MBNL2: variants seen among roughly 807,000 people sequenced by gnomAD.
The protein encoded by MBNL2 is muscleblind-like protein 2.
MBNL2 carries 17 observed loss-of-function variants against 41.9 expected under a neutral mutation model. The ratio of observed to expected loss-of-function variants is 0.41; its 90% CI spans 0.28 to 0.61. MBNL2 has a LOEUF of 0.61. Among genes scored for constraint, MBNL2 ranks in the 20% least tolerant of loss-of-function variants. The probability of loss-of-function intolerance (pLI) is 0.35; values close to 1 mark genes in which losing one functional copy is unlikely to be tolerated. For missense variants in MBNL2, 336 were observed against 505.6 expected, an observed-to-expected ratio of 0.66 and a Z score of 3.22; for synonymous variants, 195 against 182.9, an observed-to-expected ratio of 1.07 and a Z score of -0.53.
intron 2 of MBNL2, among the ~76,000 whole-genome samples, chr13:97,306,320 C>A (rs1324679589): frequency 6.6e-6 from 1 of 152,230 alleles, no homozygotes; most frequent in African/African-American, 2.4e-5. Context: ...TGTTTAATTG[C>A]CACATTCATT....
At chr13:97,318,398 A>G (rs2059230507) in intron 2 of MBNL2, among the ~76,000 whole-genome samples, 1 of 152,156 alleles carries the variant, frequency 6.6e-6, no homozygotes, top group Non-Finnish European at 1.5e-5. Flanking sequence ...TCATCTCCTC[A>G]GGCCTCAGTT....
At chr13:97,319,190 C>T (rs974941896) in intron 2 of MBNL2, among the ~76,000 whole-genome samples, 5 of 151,998 alleles carry the variant, frequency 3.3e-5, no homozygotes, top group African/African-American at 9.7e-5. Flanking sequence ...GAGAAGCCTG[C>T]GGGACCCTGT....
chr13:97,361,643 T>C (rs776078915), intron 7 of MBNL2, among the ~76,000 whole-genome samples: 1 of 152,026 alleles, frequency 6.6e-6, no homozygotes, highest in Non-Finnish European at 1.5e-5. Context: ...CTACAGGAGC[T>C]GTGGATTATT....
intron 3 of MBNL2, among the ~76,000 whole-genome samples, chr13:97,339,029 T>TAC (rs2061144780): frequency 9.5e-6 from 1 of 105,228 alleles, no homozygotes; most frequent in Admixed American, 9.4e-5. Flanking sequence ...AGTATGAATG[T>TAC]GTAGTTAGTG....
intron 5 of MBNL2, among the ~76,000 whole-genome samples, chr13:97,349,447 T>C (rs376222212): frequency 1.3e-5 from 2 of 152,202 alleles, no homozygotes; most frequent in Non-Finnish European, 2.9e-5. Flanking sequence ...GTAATCATTA[T>C]TTTAGGCCAG....
chr13:97,203,321 G>A, the MBNL2 span, among the ~76,000 whole-genome samples: 2 of 151,964 alleles, frequency 1.3e-5, no homozygotes, highest in Non-Finnish European at 2.9e-5. Context: ...ATACAAATTG[G>A]CAAATACAAA....
chr13:97,199,073 T>G, the MBNL2 span, among the ~76,000 whole-genome samples: 2 of 152,144 alleles, frequency 1.3e-5, no homozygotes, highest in Non-Finnish European at 2.9e-5. Flanking sequence ...CTTATCCATA[T>G]CCACCTTTCT....
At chr13:97,228,099 A>G (rs903406339) in intron 1 of MBNL2, among the ~76,000 whole-genome samples, 2 of 152,210 alleles carry the variant, frequency 1.3e-5, no homozygotes, top group Admixed American at 6.5e-5. Flanking sequence ...TTTCAAGGGC[A>G]TGTGTTAGAA....
the MBNL2 span, among the ~76,000 whole-genome samples, chr13:97,166,833 T>TAGATAGATAGATAGAA: frequency 3.6e-5 from 4 of 110,670 alleles, no homozygotes; most frequent in African/African-American, 1.4e-4. Flanking sequence ...GATAGATAGA[T>TAGATAGATAGATAGAA]AGATAGAAAG....
At chr13:97,230,404 T>C (rs2152779577) in intron 1 of MBNL2, among the ~76,000 whole-genome samples, 1 of 152,294 alleles carries the variant, frequency 6.6e-6, no homozygotes, top group South Asian at 2.1e-4. Context: ...TTTTAGCTAA[T>C]GATGAAACAT....
the MBNL2 span, among the ~76,000 whole-genome samples, chr13:97,200,570 A>G: frequency 2.0e-5 from 3 of 152,208 alleles, no homozygotes; most frequent in South Asian, 6.2e-4. Context: ...CAACAAAAAA[A>G]TCCTCTTGGA....
intron 8 of MBNL2, among the ~76,000 whole-genome samples, chr13:97,368,054 C>A (rs1298179457): frequency 6.6e-6 from 1 of 152,130 alleles, no homozygotes; most frequent in Non-Finnish European, 1.5e-5. Flanking sequence ...TGAAGTCCTG[C>A]CTCCTTGAAC....
chr13:97,145,045 G>A, the MBNL2 span, among the ~76,000 whole-genome samples: 10 of 152,270 alleles, frequency 6.6e-5, no homozygotes, highest in Admixed American at 1.3e-4. Context: ...AAAATATGTG[G>A]GAAGTGATGC....
intron 1 of MBNL2, among the ~76,000 whole-genome samples, chr13:97,252,801 A>G (rs974589753): frequency 3.3e-5 from 5 of 152,162 alleles, no homozygotes; most frequent in African/African-American, 7.2e-5. Context: ...CTGGCTATAT[A>G]ATCATATCAT....
chr13:97,174,840 C>T, the MBNL2 span, among the ~76,000 whole-genome samples: 1 of 151,706 alleles, frequency 6.6e-6, no homozygotes, highest in Non-Finnish European at 1.5e-5. Context: ...GAGTCACTAC[C>T]CTGGAAAAAA....
At chr13:97,376,014 G>A (rs2064934448) in intron 8 of MBNL2, among the ~76,000 whole-genome samples, 1 of 152,138 alleles carries the variant, frequency 6.6e-6, no homozygotes, top group African/African-American at 2.4e-5. Flanking sequence ...GATGAGAACA[G>A]GACAGGACAG....
At chr13:97,227,243 C>A (rs1471385429) in intron 1 of MBNL2, among the ~76,000 whole-genome samples, 2 of 152,036 alleles carry the variant, frequency 1.3e-5, no homozygotes, top group African/African-American at 2.4e-5. Flanking sequence ...TTATAGAACT[C>A]TTTTCAGGCA....
At chr13:97,313,249 C>T (rs2058758595) in intron 2 of MBNL2, among the ~76,000 whole-genome samples, 2 of 152,144 alleles carry the variant, frequency 1.3e-5, no homozygotes, top group Non-Finnish European at 2.9e-5. Context: ...AAGGTGTTAA[C>T]TCTAAATCCT....
At chr13:97,327,780 T>A (rs2060031754) in intron 2 of MBNL2, among the ~76,000 whole-genome samples, 1 of 152,038 alleles carries the variant, frequency 6.6e-6, no homozygotes. Flanking sequence ...ACTGACAGAA[T>A]GAGAATAGCA....
Sources: gnomAD v4.1 joint callset for allele counts (sites outside exome capture counted in the v4.1 genomes callset) on GRCh38, gnomAD v4.1.1 for gene constraint, MANE v1.5 for transcripts, NCBI Gene and HGNC (gene_info 2026-07-23, HGNC 2026-07-21) for gene names.